The following EFHC2 variants were observed in gnomAD, a reference collection of about 807,000 sequenced individuals.
EFHC2 encodes the protein EF-hand domain-containing family member C2.
A neutral mutation model predicts 52.7 loss-of-function variants in EFHC2; 18 were observed. The ratio of observed to expected loss-of-function variants is 0.34; its 90% CI spans 0.24 to 0.51. The LOEUF is 0.51. Ranked by LOEUF, EFHC2 falls within the 20% of genes least tolerant of loss-of-function variation. EFHC2 has a pLI of 0.97. For missense variants in EFHC2, 513 were observed against 562.5 expected (o/e 0.91, Z 0.89); for synonymous variants, 203 against 204.1 (o/e 0.99, Z 0.04).
rs1041408364 is a variant in EFHC2 at position 44,339,236 on chromosome X, G to A, written c.42+4311C>T. ...AGTGAGCTCTTCATCATTCATTAGA[G>A]ACACTCAGGATCAGGATGGGCCACA... On this transcript the variant is annotated intron_variant, in intron 1 of 14. Coordinates refer to ENST00000420999, the MANE Select transcript of EFHC2 (RefSeq NM_025184.4). Among the ~76,000 whole-genome samples the A allele has an allele frequency of 5.6e-4, 61 of 108,824 alleles. 1 individual carries two copies. Among genetic ancestry groups the A allele is most frequent in the Admixed American group, 3.1e-3 (31 of 10,163 alleles). 94.5% of individuals were successfully genotyped at this position (108,824 alleles called of 115,157 possible). A position where few individuals can be genotyped will look rare whatever the true frequency, so the allele number is the denominator to read the frequency against.
chrX:44,303,546 A>G (rs1312755885), intron 2 of EFHC2, among the ~76,000 whole-genome samples: 3 of 110,181 alleles, frequency 2.7e-5, no homozygotes, highest in Non-Finnish European at 3.8e-5. Context: ...AGCCTTTTCT[A>G]ACACCTGCTT....
chrX:44,155,403 T>C (rs955141969), intron 14 of EFHC2, among the ~76,000 whole-genome samples: 3 of 112,216 alleles, frequency 2.7e-5, no homozygotes, highest in Non-Finnish European at 5.6e-5. Context: ...AGCAAAGCTG[T>C]GTGTGAGCTA....
chrX:44,338,484 C>T (rs1415977982), intron 1 of EFHC2, among the ~76,000 whole-genome samples: 3 of 109,289 alleles, frequency 2.7e-5, no homozygotes, highest in African/African-American at 1.0e-4. Context: ...TGCACCCCAG[C>T]CTGGGAGAAA....
chrX:44,339,142 G>A (rs1348140538), intron 1 of EFHC2, among the ~76,000 whole-genome samples: 2 of 105,835 alleles, frequency 1.9e-5, no homozygotes, highest in African/African-American at 3.7e-5. Flanking sequence ...AGTGAGCCGA[G>A]ATGGCGCCAT....
At chrX:44,254,842 T>C (rs1373467548) in intron 4 of EFHC2, among the ~76,000 whole-genome samples, 3 of 111,090 alleles carry the variant, frequency 2.7e-5, no homozygotes, top group Non-Finnish European at 5.7e-5. Flanking sequence ...AAGGTTGAAA[T>C]GAAGGAAAAA....
intron 4 of EFHC2, among the ~76,000 whole-genome samples, chrX:44,258,479 C>G (rs1258725317): frequency 9.2e-6 from 1 of 108,919 alleles, no homozygotes; most frequent in Non-Finnish European, 1.9e-5. Flanking sequence ...TATGAACAGA[C>G]ACTTCTCAAA....
At chrX:44,184,551 C>T (rs1199274974) in intron 11 of EFHC2, among the ~76,000 whole-genome samples, 2 of 110,892 alleles carry the variant, frequency 1.8e-5, no homozygotes, top group Non-Finnish European at 3.8e-5. Flanking sequence ...GGCAAAACCC[C>T]GTCTCTACTA....
Position 44,343,646 on chromosome X carries a change from G to C in EFHC2, c.-58C>G, listed in dbSNP as rs767289088. 5.8e-6 allele frequency: 4 copies of C among 691,478 alleles called. No individual in the cohort carries two copies. In the South Asian group the frequency reaches 1.0e-4, roughly 17 times the overall value. 57.0% of individuals were successfully genotyped at this position (691,478 alleles called of 1,213,427 possible). On this transcript the variant is annotated 5_prime_UTR_variant, in exon 1 of 15. Transcript: ENST00000420999. Reference sequence around the variant, plus strand: ...AAGAGAGGGCCCGGCAGGCAGCGGCGCCTCCCGGCCGTGTTGTTTGGCCCC... The same window carrying C: ...AAGAGAGGGCCCGGCAGGCAGCGGCCCCTCCCGGCCGTGTTGTTTGGCCCC...
intron 11 of EFHC2, among the ~76,000 whole-genome samples, chrX:44,206,489 C>T (rs2037049945): frequency 8.9e-6 from 1 of 112,015 alleles, no homozygotes; most frequent in African/African-American, 3.2e-5. Context: ...GACTCCTAGA[C>T]ATGAAAAATG....
At chrX:44,311,309 A>G (rs1189160944) in intron 2 of EFHC2, among the ~76,000 whole-genome samples, 1 of 112,013 alleles carries the variant, frequency 8.9e-6, no homozygotes. Context: ...TGTGCACTCT[A>G]ATTGATCTAC....
chrX:44,303,099 T>C (rs2147375607), intron 2 of EFHC2, among the ~76,000 whole-genome samples: 1 of 111,194 alleles, frequency 9.0e-6, no homozygotes, highest in African/African-American at 3.3e-5. Flanking sequence ...GCCCCTGACA[T>C]CCAGGAGCCG....
chrX:44,322,746 T>G (rs1365082231), intron 1 of EFHC2, among the ~76,000 whole-genome samples: 1 of 112,274 alleles, frequency 8.9e-6, no homozygotes, highest in Non-Finnish European at 1.9e-5. Context: ...AGGAAGGACT[T>G]GGTATTGGCT....
At chrX:44,189,104 C>T (rs1053824714) in intron 11 of EFHC2, among the ~76,000 whole-genome samples, 5 of 77,610 alleles carry the variant, frequency 6.4e-5, no homozygotes, top group African/African-American at 1.6e-4. Flanking sequence ...TGGGCGACAA[C>T]GAAGCAAGAC....
Position 44,224,812 on chromosome X carries a change from T to C in EFHC2, c.1751+4837A>G, listed in dbSNP as rs757878214. ...TCAGCTAACCAAAATACACACAGGC[T>C]ACATGGGGCCAGGTGTCATCTCTGA... On this transcript the variant is annotated intron_variant, in intron 11 of 14. Coordinates refer to ENST00000420999, the MANE Select transcript of EFHC2 (RefSeq NM_025184.4). Among the ~76,000 whole-genome samples the C allele has an allele frequency of 8.0e-5, 9 of 112,173 alleles. No individual in the cohort carries two copies. The South Asian group carries it at 3.3e-3, about 42-fold the overall frequency.
intron 2 of EFHC2, among the ~76,000 whole-genome samples, chrX:44,278,126 A>G (rs889931471): frequency 4.5e-5 from 5 of 112,184 alleles, no homozygotes; most frequent in Non-Finnish European, 7.5e-5. Context: ...TGTAATCCCA[A>G]CACTTTGGGA....
chrX:44,309,491 T>C, intron 2 of EFHC2: 2 of 1,208,108 alleles, frequency 1.7e-6, no homozygotes, highest in South Asian at 1.8e-5. Flanking sequence ...AGCATAAGTC[T>C]GTCTGCCACA....
At chrX:44,168,169 T>G (rs1464469377) in intron 13 of EFHC2, among the ~76,000 whole-genome samples, 1 of 111,544 alleles carries the variant, frequency 9.0e-6, no homozygotes, top group Non-Finnish European at 1.9e-5. Context: ...ACTAAGTGAC[T>G]GCAGACTCCA....
chrX:44,265,872 T>C (rs1169912762), intron 3 of EFHC2, among the ~76,000 whole-genome samples: 1 of 112,008 alleles, frequency 8.9e-6, no homozygotes, highest in Non-Finnish European at 1.9e-5. Context: ...AGAATAATTA[T>C]TTTTATATAC....
intron 1 of EFHC2, among the ~76,000 whole-genome samples, chrX:44,315,327 C>G (rs1426214985): frequency 1.8e-5 from 2 of 110,551 alleles, no homozygotes; most frequent in Non-Finnish European, 3.8e-5. Flanking sequence ...ATTACCCAGC[C>G]TCACGTATTT....
Sources: allele counts gnomAD v4.1 joint callset (sites outside exome capture counted in the v4.1 genomes callset), GRCh38; gene constraint gnomAD v4.1.1; transcripts MANE v1.5; gene names NCBI Gene and HGNC (gene_info 2026-07-23, HGNC 2026-07-21).